The following CPN1 variants were observed in gnomAD, a reference collection of about 807,000 sequenced individuals.
The protein encoded by CPN1 is carboxypeptidase N subunit 1.
A neutral mutation model predicts 46.4 loss-of-function variants in CPN1; 37 were observed. That is an observed-to-expected ratio of 0.80 (90% CI 0.61 to 1.05). CPN1 has a LOEUF of 1.05. Ranked by LOEUF, CPN1 falls within the 50% of genes least tolerant of loss-of-function variation. The pLI, the probability that CPN1 is intolerant of heterozygous loss-of-function variation, is 0.00. For missense variants in CPN1, 563 were observed against 602.6 expected, an observed-to-expected ratio of 0.93 and a Z score of 0.69; for synonymous variants, 224 against 235.4, an observed-to-expected ratio of 0.95 and a Z score of 0.44.
rs1004739802 is a variant in CPN1 at position 100,075,163 on chromosome 10, C to T, written c.420+748G>A. ...AAAATTAGCTGGGCATGGTGGCGCACGCCTGTAGACCCAGCTACTCGAGGG... is the reference window on the plus strand; with the variant it reads ...AAAATTAGCTGGGCATGGTGGCGCATGCCTGTAGACCCAGCTACTCGAGGG... On this transcript the variant is annotated intron_variant, in intron 2 of 8. Coordinates refer to ENST00000370418, the MANE Select transcript of CPN1 (RefSeq NM_001308.3). Among the ~76,000 whole-genome samples, 22 of 151,982 alleles carry T rather than the reference C, an allele frequency of 1.4e-4. 1 individual carries two copies. The highest frequency in any genetic ancestry group is 1.1e-3 in the Admixed American group (17 of 15,258).
chr10:100,075,567 T>C (rs1402383725), intron 2 of CPN1, among the ~76,000 whole-genome samples: 3 of 152,226 alleles, frequency 2.0e-5, no homozygotes, highest in Non-Finnish European at 4.4e-5. Flanking sequence ...GAGCTTTATT[T>C]TGCAATATCC....
At chr10:100,046,839 C>T (rs945257902) in intron 8 of CPN1, among the ~76,000 whole-genome samples, 3 of 151,764 alleles carry the variant, frequency 2.0e-5, no homozygotes, top group Non-Finnish European at 4.4e-5. Flanking sequence ...TTTGGGAGGC[C>T]GAGGTGGGCA....
At chr10:100,046,437 C>T (rs2041312499) in intron 8 of CPN1, among the ~76,000 whole-genome samples, 2 of 152,002 alleles carry the variant, frequency 1.3e-5, no homozygotes, top group African/African-American at 4.8e-5. Flanking sequence ...GTACCACTGC[C>T]CTCCAGCCTG....
chr10:100,043,860 C>T (rs2041292942), intron 8 of CPN1, among the ~76,000 whole-genome samples: 1 of 151,990 alleles, frequency 6.6e-6, no homozygotes, highest in Admixed American at 6.6e-5. Context: ...CTTTCAAGCA[C>T]TACATTGCAA....
chr10:100,048,419 C>T (rs769117273), intron 8 of CPN1, among the ~76,000 whole-genome samples: 10 of 152,112 alleles, frequency 6.6e-5, no homozygotes, highest in Non-Finnish European at 1.0e-4. Context: ...TTGCAAGGGC[C>T]AAGGGTGGTG....
At chr10:100,065,165 G>C (rs780043715) in intron 4 of CPN1, 23 bp downstream of exon 4, 5 of 1,604,622 alleles carry the variant, frequency 3.1e-6, no homozygotes, top group Non-Finnish European at 4.3e-6. Context: ...TCCCCTGGCG[G>C]GACAAGCTGC....
intron 7 of CPN1, among the ~76,000 whole-genome samples, chr10:100,052,133 T>G (rs968656247): frequency 1.3e-5 from 2 of 150,982 alleles, no homozygotes; most frequent in Non-Finnish European, 3.0e-5. Context: ...TGCAGTGGCA[T>G]GATCTTGCCT....
In CPN1 at chr10:100,076,007, C is replaced by T. The variant is rs61754515; in HGVS notation, c.324G>A (p.Arg108=). The change falls in exon 2 of 9, where the codon CGG becomes CGA. Residue 108 remains arginine, a synonymous_variant. Transcript: ENST00000370418. ...GCTGGACGATGCGCTGGTTCCTGTT[C>T]CGGAACTCCTCGCACAGAAACTCCG... ...QLSEFLCEEF[R]NRNQRIVQLI... The T allele has an allele frequency of 3.1e-6, 5 of 1,614,062 alleles. No individual in the cohort carries two copies. The South Asian group carries it at 5.5e-5, about 18-fold the overall frequency.
chr10:100,061,724 A>C (rs1336681934), intron 5 of CPN1, among the ~76,000 whole-genome samples: 2 of 152,250 alleles, frequency 1.3e-5, no homozygotes, highest in Non-Finnish European at 2.9e-5. Flanking sequence ...AAAAAGAACA[A>C]GCATAATTTG....
intron 5 of CPN1, 47 bp downstream of exon 5, chr10:100,063,567 G>T: frequency 7.5e-7 from 1 of 1,336,620 alleles, no homozygotes; most frequent in South Asian, 1.2e-5. Context: ...AAGGAGAAAT[G>T]AGCACTATTC....
At chr10:100,067,009 A>G (rs1240583527) in intron 3 of CPN1, among the ~76,000 whole-genome samples, 3 of 152,172 alleles carry the variant, frequency 2.0e-5, no homozygotes, top group Admixed American at 2.0e-4. Context: ...ATTGAGTGGG[A>G]GCCTAGTTAT....
intron 3 of CPN1, among the ~76,000 whole-genome samples, chr10:100,065,769 G>A (rs780653299): frequency 6.6e-5 from 10 of 151,886 alleles, no homozygotes; most frequent in Non-Finnish European, 1.2e-4. Flanking sequence ...GGTGAGTTAA[G>A]GTAGGTTCAT....
chr10:100,065,355 G>T lies in CPN1; in HGVS notation c.592C>A (p.Arg198=), dbSNP rs1456594408. 1 of 1,614,180 alleles carries T rather than the reference G, an allele frequency of 6.2e-7. No individual in the cohort carries two copies. Among genetic ancestry groups the T allele is most frequent in the Middle Eastern group, 1.6e-4 (1 of 6,062 alleles). The change falls in exon 4 of 9, where the codon CGG becomes AGG. Residue 198 remains arginine, a synonymous_variant. Coordinates refer to ENST00000370418, the MANE Select transcript of CPN1 (RefSeq NM_001308.3). ...NWKSQVEPET[R]AVIRWMHSFN... is the part of the protein sequence containing the mutation. Reference sequence around the variant, plus strand: ...GAGTGCATCCACCGGATCACCGCCCGGGTCTCGGGTTCCACCTGGGAGGAG... The same window carrying T: ...GAGTGCATCCACCGGATCACCGCCCTGGTCTCGGGTTCCACCTGGGAGGAG...
At chr10:100,047,484 T>C (rs1037645897) in intron 8 of CPN1, among the ~76,000 whole-genome samples, 1 of 152,244 alleles carries the variant, frequency 6.6e-6, no homozygotes, top group African/African-American at 2.4e-5. Flanking sequence ...CAGAAGAATC[T>C]GGAAAGATAG....
chr10:100,065,436 G>GT, intron 3 of CPN1, 66 bp from the exon 4 acceptor site: 1 of 1,579,896 alleles, frequency 6.3e-7, no homozygotes, highest in South Asian at 1.1e-5. Flanking sequence ...GGCGGTTAGA[G>GT]TAAGTCTGTC....
intron 1 of CPN1, among the ~76,000 whole-genome samples, chr10:100,080,173 G>A (rs2041536493): frequency 6.6e-6 from 1 of 152,164 alleles, no homozygotes; most frequent in African/African-American, 2.4e-5. Flanking sequence ...ACTTGGGCAG[G>A]GGATGTGGAA....
intron 1 of CPN1, among the ~76,000 whole-genome samples, chr10:100,076,349 G>A (rs1589479880): frequency 6.6e-6 from 1 of 152,178 alleles, no homozygotes; most frequent in South Asian, 2.1e-4. Flanking sequence ...AGACAGTTAT[G>A]TTCAATACTG....
At chr10:100,047,673 A>G (rs1262050051) in intron 8 of CPN1, among the ~76,000 whole-genome samples, 2 of 152,144 alleles carry the variant, frequency 1.3e-5, no homozygotes, top group African/African-American at 4.8e-5. Context: ...ATAAATTGGT[A>G]TGCTCACACA....
intron 6 of CPN1, among the ~76,000 whole-genome samples, chr10:100,055,993 C>T (rs932736716): frequency 5.3e-5 from 8 of 152,182 alleles, no homozygotes; most frequent in African/African-American, 1.7e-4. Flanking sequence ...CCCTTATTTC[C>T]GTTCTTTTGA....
Sources: allele counts gnomAD v4.1 joint callset (sites outside exome capture counted in the v4.1 genomes callset), GRCh38; gene constraint gnomAD v4.1.1; transcripts MANE v1.5; gene names NCBI Gene and HGNC (gene_info 2026-07-23, HGNC 2026-07-21).